The following LRRFIP1 variants were observed in gnomAD, a reference collection of about 807,000 sequenced individuals.
LRRFIP1 encodes leucine-rich repeat flightless-interacting protein 1.
A neutral mutation model predicts 104.4 loss-of-function variants in LRRFIP1; 62 were observed. The ratio of observed to expected loss-of-function variants is 0.59; its 90% CI spans 0.48 to 0.73. LRRFIP1 has a LOEUF of 0.73. Ranked by LOEUF, LRRFIP1 falls within the 30% of genes least tolerant of loss-of-function variation. The pLI is 0.00. For synonymous variants in LRRFIP1, 300 were observed against 299.0 expected (o/e 1.00, Z -0.03); for missense variants, 796 against 824.5 (o/e 0.97, Z 0.42).
At chr2:237,723,646 C>T in intron 7 of LRRFIP1, 60 bp downstream of exon 7, 2 of 1,590,652 alleles carry the variant, frequency 1.3e-6, no homozygotes, top group Non-Finnish European at 1.7e-6. Flanking sequence ...ACCATAATAA[C>T]CTGTGGTATT....
chr2:237,723,422 TG>T, intron 6 of LRRFIP1, 125 bp from the exon 7 acceptor site: 2 of 915,904 alleles, frequency 2.2e-6, no homozygotes, highest in East Asian at 2.5e-5. Flanking sequence ...CTAGAAATTA[TG>T]GAAAAATGCA....
rs2060126254 is a variant in LRRFIP1 at position 237,764,235 on chromosome 2, T to G, written c.1459+4030T>G. ...ATGTAAGTAGAATGTTCTAAATTCA[T>G]AGAGAGGCACTGTATGACAATTACC... On this transcript the variant is annotated intron_variant, in intron 19 of 23. Coordinates refer to ENST00000308482, the MANE Select transcript of LRRFIP1 (RefSeq NM_001137550.2). 8 of 1,610,600 alleles carry G rather than the reference T, an allele frequency of 5.0e-6. No individual in the cohort carries two copies. The South Asian group carries it at 8.8e-5, about 18-fold the overall frequency.
In LRRFIP1 at chr2:237,779,653, A is replaced by AAGGG; in HGVS notation, c.*121_*122insAGGG. ...CTTCCGAGAGACGAAGACCGTGGCG[A>AAGGG]GCTTGGCGCTTAGGGGCTCCCGTGC... On this transcript the variant is annotated 3_prime_UTR_variant, in exon 24 of 24. Coordinates refer to ENST00000308482, the MANE Select transcript of LRRFIP1 (RefSeq NM_001137550.2). 1.1e-6 allele frequency: 1 copy of AAGGG among 886,720 alleles called. No individual in the cohort carries two copies. The highest frequency in any genetic ancestry group is 1.7e-6 in the Non-Finnish European group (1 of 585,086). The allele number at this position is 886,720 out of a possible 1,614,324, so 54.9% of individuals were successfully genotyped here. A position where few individuals can be genotyped will look rare whatever the true frequency, so the allele number is the denominator to read the frequency against.
chr2:237,646,762 G>A (rs1433103391), intron 1 of LRRFIP1, among the ~76,000 whole-genome samples: 2 of 151,944 alleles, frequency 1.3e-5, no homozygotes, highest in African/African-American at 2.4e-5. Flanking sequence ...GTGGCCGTCT[G>A]CAAGCCAGGA....
In LRRFIP1 at chr2:237,649,022, G is replaced by A. The variant is rs1282107325; in HGVS notation, c.96+21282G>A. On this transcript the variant is annotated intron_variant, in intron 1 of 23. Transcript: ENST00000308482. This position sits in a 1 kb window ranked among gnomAD's most constrained non-coding sequence, Gnocchi z 4.1. ...ACAGGCATGGCTGGTGTGAGAGGAGGCGTCCTTGTCACCATCCTTTGTTGC... is the reference window on the plus strand; with the variant it reads ...ACAGGCATGGCTGGTGTGAGAGGAGACGTCCTTGTCACCATCCTTTGTTGC... 6.6e-6 allele frequency among the ~76,000 whole-genome samples: 1 copy of A among 151,892 alleles called. No individual in the cohort carries two copies. Among genetic ancestry groups the A allele is most frequent in the Admixed American group, 6.6e-5 (1 of 15,264 alleles).
intron 23 of LRRFIP1, among the ~76,000 whole-genome samples, chr2:237,775,715 G>A (rs2061028654): frequency 1.3e-5 from 2 of 152,240 alleles, no homozygotes; most frequent in Admixed American, 6.5e-5. Flanking sequence ...GCCCGTGCCT[G>A]TAGTCTCAGC....
rs374854851 is a variant in LRRFIP1, at chr2:237,737,459, G to A, written c.556-1773G>A. On this transcript the variant is annotated intron_variant, in intron 10 of 23. Transcript: ENST00000308482. ...ACATAAGGTGCACGTGGACCGTGGC[G>A]ATATAGACTTTCACTTTGTTCTTTT... Among the ~76,000 whole-genome samples, 50 of 152,300 alleles carry A rather than the reference G, an allele frequency of 3.3e-4. No individual in the cohort carries two copies. In the South Asian group the frequency reaches 9.8e-3, roughly 30 times the overall value.
intron 15 of LRRFIP1, among the ~76,000 whole-genome samples, chr2:237,754,782 G>A (rs2150729588): frequency 6.6e-6 from 1 of 152,338 alleles, no homozygotes; most frequent in East Asian, 1.9e-4. Flanking sequence ...GGAGTGGAGA[G>A]CACAGCCCAG....
At chr2:237,696,919 C>G (rs554972002) in intron 1 of LRRFIP1, among the ~76,000 whole-genome samples, 1 of 152,362 alleles carries the variant, frequency 6.6e-6, no homozygotes, top group East Asian at 1.9e-4. Context: ...GGACAGAAGT[C>G]CTTGTCTTGA....
intron 22 of LRRFIP1, 147 bp downstream of exon 22, chr2:237,773,092 TTCCA>T (rs2060788483): frequency 1.6e-6 from 1 of 635,192 alleles, no homozygotes; most frequent in Non-Finnish European, 2.8e-6. Flanking sequence ...CAGCAAGTCT[TTCCA>T]TCCGTTTCTT....
At chr2:237,692,207 C>T (rs2092838516) in intron 1 of LRRFIP1, 2 of 1,073,034 alleles carry the variant, frequency 1.9e-6, no homozygotes, top group Middle Eastern at 4.2e-4. Flanking sequence ...TCCCCGGCGC[C>T]CTTCCACCCC....
At chr2:237,750,698 T>A (rs1333795894) in intron 13 of LRRFIP1, among the ~76,000 whole-genome samples, 11 of 152,148 alleles carry the variant, frequency 7.2e-5, no homozygotes, top group Admixed American at 5.9e-4. Flanking sequence ...TTCTCTGCCC[T>A]TAGGTTGCGC....
rs150057064 is a variant in LRRFIP1, at chr2:237,672,763, T to C, written c.97-35781T>C. ...TTCTAAGAGAATATCTACTTTATCA[T>C]ATTTTGAAATAAGACTTTACAGTAT... On this transcript the variant is annotated intron_variant, in intron 1 of 23. Coordinates refer to ENST00000308482, the MANE Select transcript of LRRFIP1 (RefSeq NM_001137550.2). Among the ~76,000 whole-genome samples, 475 of 152,346 alleles carry C rather than the reference T, an allele frequency of 3.1e-3. 7 individuals carry two copies. The East Asian group carries it at 0.047, about 15-fold the overall frequency.
intron 2 of LRRFIP1, among the ~76,000 whole-genome samples, chr2:237,710,317 T>G (rs1171954630): frequency 6.6e-6 from 1 of 151,954 alleles, no homozygotes; most frequent in African/African-American, 2.4e-5. Flanking sequence ...AGAATCTTGC[T>G]TTGTCGCCCA....
At chr2:237,739,650 G>A (rs749048151) in intron 11 of LRRFIP1, among the ~76,000 whole-genome samples, 3 of 152,198 alleles carry the variant, frequency 2.0e-5, no homozygotes, top group East Asian at 1.9e-4. Flanking sequence ...AAGGTAAAGC[G>A]TGGCCTGTAG....
chr2:237,635,836 T>C (rs1157692506), intron 1 of LRRFIP1, among the ~76,000 whole-genome samples: 1 of 152,020 alleles, frequency 6.6e-6, no homozygotes, highest in Non-Finnish European at 1.5e-5. Context: ...TGGTGGCTCA[T>C]ACCTGTAATT....
At chr2:237,757,398 C>T in intron 16 of LRRFIP1, 58 bp from the exon 17 acceptor site, 1 of 1,154,658 alleles carries the variant, frequency 8.7e-7, no homozygotes, top group African/African-American at 1.6e-5. Flanking sequence ...CTCTCTCGGG[C>T]TGGGGTTTTT....
intron 1 of LRRFIP1, chr2:237,684,175 T>A: frequency 7.5e-5 from 1 of 13,318 alleles, no homozygotes; most frequent in South Asian, 2.3e-3. Context: ...AAATTGCCAT[T>A]TTTTTTTTTT....
intron 3 of LRRFIP1, 133 bp downstream of exon 3, chr2:237,714,409 T>C: frequency 7.5e-6 from 5 of 662,282 alleles, no homozygotes; most frequent in Non-Finnish European, 1.0e-5. Flanking sequence ...TACTACTTTG[T>C]GTATGAATTT....
Sources: allele counts gnomAD v4.1 joint callset (sites outside exome capture counted in the v4.1 genomes callset), GRCh38; gene constraint gnomAD v4.1.1; non-coding constraint Gnocchi (gnomAD v3.1); transcripts MANE v1.5; gene names NCBI Gene and HGNC (gene_info 2026-07-23, HGNC 2026-07-21).